Variants in IQGAP1 observed in about 807,000 individuals in gnomAD.
The protein encoded by IQGAP1 is IQ motif containing GTPase activating protein 1, also known as ras GTPase-activating-like protein IQGAP1.
In IQGAP1, 66 loss-of-function variants were observed where a neutral mutation model predicts 215.6. The observed-to-expected ratio is 0.31, with a 90% CI of 0.25 to 0.38. The LOEUF (loss-of-function observed/expected upper bound fraction) is 0.38. IQGAP1 is among the 10% of genes least tolerant of loss of function. The probability of loss-of-function intolerance (pLI) is 1.00; values close to 1 mark genes in which losing one functional copy is unlikely to be tolerated. For synonymous variants in IQGAP1, 772 were observed against 728.7 expected, an observed-to-expected ratio of 1.06 and a Z score of -0.96; for missense variants, 1,712 against 1,997.1, an observed-to-expected ratio of 0.86 and a Z score of 2.72.
In IQGAP1 at chr15:90,467,475, G is replaced by A. The variant is rs1365175198; in HGVS notation, c.2061G>A (p.Lys687=). ...AVGDNNSKWV[K]HWVKGGYYYY... is the part of the protein sequence containing the mutation. Reference sequence around the variant, plus strand: ...GAGATAATAACAGCAAGTGGGTGAAGCACTGGGTAAAAGGTGGATATTATT... The same window carrying A: ...GAGATAATAACAGCAAGTGGGTGAAACACTGGGTAAAAGGTGGATATTATT... Residue 687 remains lysine (K), a synonymous_variant, in exon 18 of 38, where the codon AAG becomes AAA. Coordinates refer to ENST00000268182, the MANE Select transcript of IQGAP1 (RefSeq NM_003870.4). The A allele has an allele frequency of 6.2e-7, 1 of 1,611,992 alleles. No homozygotes were observed. The highest frequency in any genetic ancestry group is 8.5e-7 in the Non-Finnish European group (1 of 1,179,228).
chr15:90,499,177 G>C (rs557992242), intron 37 of IQGAP1, among the ~76,000 whole-genome samples: 1 of 152,300 alleles, frequency 6.6e-6, no homozygotes, highest in East Asian at 1.9e-4. Context: ...ATAAAGTTCA[G>C]AAGTGAGACC....
intron 19 of IQGAP1, 96 bp from the exon 20 acceptor site, chr15:90,473,619 A>G (rs1025759749): frequency 1.2e-6 from 1 of 830,886 alleles, no homozygotes; most frequent in Non-Finnish European, 1.9e-6. Context: ...TCATCATGAA[A>G]TTGCACTTGG....
At position 90,486,115 on chromosome 15, in the gene IQGAP1, C is replaced by T. The variant is rs1177186923; in HGVS notation, c.4007C>T (p.Thr1336Ile). Residue 1336 changes from threonine (T) to isoleucine (I), a missense_variant, in exon 31 of 38, where the codon ACC becomes ATC. Thr to Ile is a moderately conservative substitution (Grantham distance 89). Transcript: ENST00000268182. ...CTGGACGACCTCGGCGAGGTGCCCA[C>T]CATCGAGTCCCTGATAGGTAGAGTT... ...ELLDDLGEVP[T>I]IESLIGESSG... is the part of the protein sequence containing the mutation. The T allele has an allele frequency of 6.2e-7, 1 of 1,613,100 alleles. No homozygotes were observed.
intron 2 of IQGAP1, among the ~76,000 whole-genome samples, chr15:90,400,787 G>A (rs1250514897): frequency 6.6e-6 from 1 of 152,172 alleles, no homozygotes; most frequent in Non-Finnish European, 1.5e-5. Context: ...ACCCAAGTTG[G>A]CATGTTCTAG....
At chr15:90,422,417 G>A (rs1965149586) in intron 2 of IQGAP1, among the ~76,000 whole-genome samples, 1 of 151,840 alleles carries the variant, frequency 6.6e-6, no homozygotes, top group Admixed American at 6.6e-5. Flanking sequence ...AAATAAAGAA[G>A]AACACCGTGC....
intron 4 of IQGAP1, 122 bp from the exon 5 acceptor site, chr15:90,433,597 T>G: frequency 2.0e-6 from 1 of 494,236 alleles, no homozygotes; most frequent in Non-Finnish European, 3.8e-6. Context: ...ACCGATGTTT[T>G]CTAAGAATGC....
rs139099905 is a variant in IQGAP1 at position 90,451,853 on chromosome 15, C to T, written c.1163-922C>T. 8.6e-3 allele frequency among the ~76,000 whole-genome samples: 1,255 copies of T among 145,620 alleles called. 17 individuals are homozygous for T. Among genetic ancestry groups the T allele is most frequent in the African/African-American group, 0.031 (1,194 of 38,922 alleles). On this transcript the variant is annotated intron_variant, in intron 11 of 37. Coordinates refer to ENST00000268182, the MANE Select transcript of IQGAP1 (RefSeq NM_003870.4). Reference sequence around the variant, plus strand: ...GTGCCCTTTTTTTTTTTTTTTGAGACGGAGTCTCACTCTGTTGCCAGGCTG... The same window carrying T: ...GTGCCCTTTTTTTTTTTTTTTGAGATGGAGTCTCACTCTGTTGCCAGGCTG...
In IQGAP1 at chr15:90,429,681, A is replaced by T. The variant is rs370066888; in HGVS notation, c.390+15A>T. 114 of 1,548,510 alleles carry T rather than the reference A, an allele frequency of 7.4e-5. No homozygotes were observed. Among genetic ancestry groups the T allele is most frequent in the Non-Finnish European group, 9.7e-5 (110 of 1,131,726 alleles). ...GATTGCCTAAGGTAACTTACCTGAG[A>T]TAATAGTTTAGGCTTTGTTCCAGCT... On this transcript the variant is annotated intron_variant, in intron 4 of 37. Coordinates refer to ENST00000268182, the MANE Select transcript of IQGAP1 (RefSeq NM_003870.4).
chr15:90,482,439 C>T (rs561307864), intron 28 of IQGAP1, among the ~76,000 whole-genome samples, 158 bp downstream of exon 28: 2 of 152,266 alleles, frequency 1.3e-5, no homozygotes, highest in South Asian at 4.1e-4. Flanking sequence ...GTAAATGGTA[C>T]CTCTCTTAGG....
In IQGAP1 at chr15:90,483,352, C is replaced by T. The variant is rs749204584; in HGVS notation, c.3556-9C>T. On this transcript the variant is annotated splice_polypyrimidine_tract_variant and intron_variant, in intron 28 of 37. Transcript: ENST00000268182. ...TTTAATACCCATCTTTCTGTTTCGTCTGTTCCAGATTATTGGTAACTTGCT... is the reference window on the plus strand; with the variant it reads ...TTTAATACCCATCTTTCTGTTTCGTTTGTTCCAGATTATTGGTAACTTGCT... The T allele has an allele frequency of 1.9e-6, 3 of 1,599,520 alleles. No homozygotes were observed. The highest frequency in any genetic ancestry group is 2.2e-5 in the South Asian group (2 of 90,686).
intron 2 of IQGAP1, among the ~76,000 whole-genome samples, chr15:90,412,321 CT>C (rs1964978360): frequency 6.6e-6 from 1 of 152,052 alleles, no homozygotes; most frequent in Non-Finnish European, 1.5e-5. Context: ...AAAAACAAGC[CT>C]TTTTTGTTCC....
intron 10 of IQGAP1, among the ~76,000 whole-genome samples, 189 bp from the exon 11 acceptor site, chr15:90,449,370 C>T (rs551101197): frequency 1.3e-4 from 20 of 152,298 alleles, no homozygotes; most frequent in African/African-American, 3.9e-4. Flanking sequence ...TGTAAAGTCA[C>T]TCTACCCCAG....
intron 2 of IQGAP1, among the ~76,000 whole-genome samples, chr15:90,408,612 G>T (rs1039849002): frequency 2.6e-5 from 4 of 152,052 alleles, no homozygotes; most frequent in African/African-American, 7.2e-5. Context: ...ATTTGAATTG[G>T]CAGGGATGGG....
intron 31 of IQGAP1, chr15:90,486,726 T>C (rs1206313108): frequency 3.9e-6 from 2 of 511,220 alleles, no homozygotes; most frequent in Admixed American, 3.6e-5. Context: ...ATTGTGATAT[T>C]GTAGTGTTGA....
chr15:90,465,432 C>T (rs1467268884), intron 15 of IQGAP1, among the ~76,000 whole-genome samples: 2 of 152,206 alleles, frequency 1.3e-5, no homozygotes, highest in African/African-American at 4.8e-5. Context: ...TAGCTGTTCA[C>T]AACTTCCTGA....
intron 29 of IQGAP1, 79 bp downstream of exon 29, chr15:90,483,672 C>T (rs1372408061): frequency 2.0e-6 from 2 of 1,020,416 alleles, no homozygotes; most frequent in African/African-American, 1.6e-5. Context: ...GATTAAAAAC[C>T]ACCTCTCACT....
intron 36 of IQGAP1, chr15:90,496,919 A>C (rs548055317): frequency 5.3e-6 from 1 of 189,006 alleles, no homozygotes; most frequent in Non-Finnish European, 1.1e-5. Context: ...CTTTTTGGCC[A>C]TGTGGAAGTG....
intron 9 of IQGAP1, among the ~76,000 whole-genome samples, chr15:90,445,231 G>A (rs1012805917): frequency 6.6e-6 from 1 of 151,668 alleles, no homozygotes; most frequent in Non-Finnish European, 1.5e-5. Flanking sequence ...GTAACATTGG[G>A]CACCTGCAGT....
At chr15:90,415,673 G>A (rs530856252) in intron 2 of IQGAP1, among the ~76,000 whole-genome samples, 1 of 152,166 alleles carries the variant, frequency 6.6e-6, no homozygotes, top group South Asian at 2.1e-4. Context: ...TAATCCCCGT[G>A]CCTCATCTAA....
Sources: gnomAD v4.1 joint callset for allele counts (sites outside exome capture counted in the v4.1 genomes callset) on GRCh38, gnomAD v4.1.1 for gene constraint, MANE v1.5 for transcripts, NCBI Gene and HGNC (gene_info 2026-07-23, HGNC 2026-07-21) for gene names.